ABL1: variants seen among roughly 807,000 people sequenced by gnomAD.
ABL1 encodes tyrosine-protein kinase ABL1.
ABL1 carries 11 observed loss-of-function variants against 94.7 expected under a neutral mutation model. The ratio of observed to expected loss-of-function variants is 0.12; its 90% CI spans 0.07 to 0.19. The LOEUF is 0.19. Ranked by LOEUF, ABL1 falls within the 10% of genes least tolerant of loss-of-function variation. The pLI is 1.00. For missense variants in ABL1, 1,082 were observed against 1,489.4 expected, an observed-to-expected ratio of 0.73 and a Z score of 4.50; for synonymous variants, 656 against 622.4, an observed-to-expected ratio of 1.05 and a Z score of -0.80.
chr9:130,879,991 C>A, intron 8 of ABL1, 77 bp from the exon 9 acceptor site: 1 of 1,379,118 alleles, frequency 7.3e-7, no homozygotes. Context: ...TCATTCTAGA[C>A]TTTTCCTTGA....
chr9:130,878,195 C>T (rs1456779819), intron 7 of ABL1, among the ~76,000 whole-genome samples: 1 of 152,190 alleles, frequency 6.6e-6, no homozygotes, highest in African/African-American at 2.4e-5. Context: ...AAATAATCCT[C>T]CCACTTCAGC....
intron 1 of ABL1, among the ~76,000 whole-genome samples, chr9:130,816,185 C>T (rs1830283987): frequency 1.3e-5 from 2 of 152,046 alleles, no homozygotes; most frequent in Non-Finnish European, 2.9e-5. Flanking sequence ...CTTGAATGAT[C>T]CCCAGTCATC....
intron 1 of ABL1, among the ~76,000 whole-genome samples, chr9:130,726,192 C>G (rs1334225162): frequency 1.8e-5 from 2 of 108,784 alleles, no homozygotes. Flanking sequence ...AATATGCATA[C>G]AGAAAGGGGC....
chr9:130,816,798 G>C (rs559126057), intron 1 of ABL1, among the ~76,000 whole-genome samples: 74 of 152,242 alleles, frequency 4.9e-4, no homozygotes, highest in Middle Eastern at 3.4e-3. Context: ...CCGCCTCCCG[G>C]GTTCAAGCGA....
intron 1 of ABL1, among the ~76,000 whole-genome samples, chr9:130,845,114 T>G (rs1830743462): frequency 6.6e-6 from 1 of 152,184 alleles, no homozygotes; most frequent in African/African-American, 2.4e-5. Context: ...TTATGCAATT[T>G]TCTTTTAAAA....
intron 1 of ABL1, among the ~76,000 whole-genome samples, chr9:130,763,024 G>A (rs1277912525): frequency 6.6e-6 from 1 of 151,916 alleles, no homozygotes; most frequent in African/African-American, 2.4e-5. Flanking sequence ...CACAAAAAAA[G>A]CCAAGCATAT....
At chr9:130,771,240 G>GTGTATGTATGTATGTATGTA (rs60782706) in intron 1 of ABL1, among the ~76,000 whole-genome samples, 1,810 of 151,796 alleles carry the variant, frequency 0.012, 31 homozygotes, top group African/African-American at 0.041. Context: ...ATGTGTGTGT[G>GTGTATGTATGTATGTATGTA]TGTATGTATG....
chr9:130,737,818 C>T (rs1831763805), intron 1 of ABL1, among the ~76,000 whole-genome samples: 2 of 150,154 alleles, frequency 1.3e-5, no homozygotes, highest in South Asian at 4.3e-4. Flanking sequence ...CAGCCTCTGT[C>T]TCAGAACAGT....
chr9:130,853,407 C>T (rs1449753888), intron 1 of ABL1, among the ~76,000 whole-genome samples: 1 of 150,088 alleles, frequency 6.7e-6, no homozygotes, highest in East Asian at 2.0e-4. Flanking sequence ...AACTCCTGAC[C>T]TCATGATCCA....
At chr9:130,804,785 G>C (rs1456710206) in intron 1 of ABL1, among the ~76,000 whole-genome samples, 1 of 152,122 alleles carries the variant, frequency 6.6e-6, no homozygotes, top group Non-Finnish European at 1.5e-5. Flanking sequence ...TGATTTAATT[G>C]TTGTGTTAAC....
chr9:130,729,247 G>A (rs1471822884), intron 1 of ABL1, among the ~76,000 whole-genome samples: 2 of 152,176 alleles, frequency 1.3e-5, no homozygotes, highest in African/African-American at 4.8e-5. Context: ...CCAGCACTGT[G>A]AAACCTCTGT....
chr9:130,720,859 G>T (rs1191176451), intron 1 of ABL1, among the ~76,000 whole-genome samples: 1 of 151,906 alleles, frequency 6.6e-6, no homozygotes, highest in African/African-American at 2.4e-5. Flanking sequence ...GGTGTGAGAG[G>T]GGCCAAGTGT....
intron 1 of ABL1, among the ~76,000 whole-genome samples, chr9:130,799,964 C>G (rs1175921617): frequency 6.6e-6 from 1 of 151,944 alleles, no homozygotes; most frequent in African/African-American, 2.4e-5. Flanking sequence ...CCTCTGCCTC[C>G]CCAGTTCAAG....
At chr9:130,868,780 A>G (rs1263254575) in intron 4 of ABL1, among the ~76,000 whole-genome samples, 1 of 151,486 alleles carries the variant, frequency 6.6e-6, no homozygotes, top group Non-Finnish European at 1.5e-5. Flanking sequence ...TCGGCCCCCC[A>G]GAGAGGCCAA....
exon 1 of ABL1, chr9:130,714,306 C>T: frequency 1.9e-6 from 3 of 1,579,150 alleles, no homozygotes; most frequent in East Asian, 2.3e-5. Flanking sequence ...GAAAGGGGTA[C>T]CTATTATTAC....
intron 1 of ABL1, among the ~76,000 whole-genome samples, chr9:130,762,768 G>A (rs866020879): frequency 2.0e-5 from 3 of 151,914 alleles, no homozygotes; most frequent in Non-Finnish European, 4.4e-5. Context: ...AAAATTGGCC[G>A]GGTGTGGTAG....
chr9:130,868,520 CTTTTTTTTTT>C (rs71389371), intron 4 of ABL1, among the ~76,000 whole-genome samples: 6,112 of 112,134 alleles, frequency 0.055, 276 homozygotes, highest in Middle Eastern at 0.13. Flanking sequence ...TTTTCTTTTT[CTTTTTTTTTT>C]TTTTTTTTTT....
chr9:130,749,189 CA>C (rs1564278213), intron 1 of ABL1, among the ~76,000 whole-genome samples: 1 of 152,098 alleles, frequency 6.6e-6, no homozygotes, highest in Non-Finnish European at 1.5e-5. Context: ...AAGTTCAACA[CA>C]GTAGCTTCTG....
rs995017357 is a variant in ABL1, at chr9:130,730,002, C to G, written c.136+15547C>G. Among the ~76,000 whole-genome samples the G allele has an allele frequency of 6.0e-5, 9 of 149,696 alleles. No individual in the cohort carries two copies. The Middle Eastern group carries it at 0.01, about 167-fold the overall frequency. On this transcript the variant is annotated intron_variant, in intron 1 of 10. Coordinates refer to the ABL1 transcript ENST00000372348. Reference sequence around the variant, plus strand: ...AAGTGATCCACCTGCCTTGGCCCCCCAAAGTGCTGGGATTACAGGCGTGAG... The same window carrying G: ...AAGTGATCCACCTGCCTTGGCCCCCGAAAGTGCTGGGATTACAGGCGTGAG...
Sources: gnomAD v4.1 joint callset for allele counts (sites outside exome capture counted in the v4.1 genomes callset) on GRCh38, gnomAD v4.1.1 for gene constraint, MANE v1.5 for transcripts, NCBI Gene and HGNC (gene_info 2026-07-23, HGNC 2026-07-21) for gene names.